Variants in PKHD1L1 observed in about 807,000 individuals in gnomAD.
PKHD1L1 encodes fibrocystin-L.
Under a neutral mutation model 462.9 loss-of-function variants are expected in PKHD1L1, and 434 were observed. That is an observed-to-expected ratio of 0.94 (90% CI 0.87 to 1.02). PKHD1L1 has a LOEUF of 1.02. Ranked by LOEUF, PKHD1L1 falls within the 50% of genes least tolerant of loss-of-function variation. The probability of loss-of-function intolerance (pLI) is 0.00; values close to 1 mark genes in which losing one functional copy is unlikely to be tolerated. For missense variants in PKHD1L1, 5,202 were observed against 5,096.1 expected (o/e 1.02, Z -0.63); for synonymous variants, 1,781 against 1,750.0 (o/e 1.02, Z -0.44).
chr8:109,422,874 G>A (rs559730181), intron 23 of PKHD1L1, among the ~76,000 whole-genome samples: 1 of 152,264 alleles, frequency 6.6e-6, no homozygotes, highest in African/African-American at 2.4e-5. Context: ...TCTTGCCAGT[G>A]TTTGGTGATG....
chr8:109,406,457 G>A lies in PKHD1L1; in HGVS notation c.1792G>A (p.Val598Ile), dbSNP rs1193891517. 1.2e-6 allele frequency: 2 copies of A among 1,602,444 alleles called. No individual in the cohort carries two copies. The highest frequency in any genetic ancestry group is 1.1e-5 in the South Asian group (1 of 88,554). The change falls in exon 17 of 78, where the codon GTA (valine) becomes ATA (isoleucine). Residue 598 changes from valine to isoleucine, a missense_variant. Val to Ile is a conservative substitution (Grantham distance 29). This residue lies in a region of PKHD1L1 where 4,497 missense variants were observed against 4,336.8 expected (regional missense o/e 1.04). Transcript: ENST00000378402. ...TQNPQSYVYM[V>I]TFISTRGDFD... Reference sequence around the variant, plus strand: ...AAATCCCCAGAGCTATGTCTACATGGTAACATTCATATCAACTAGAGGTAA... The same window carrying A: ...AAATCCCCAGAGCTATGTCTACATGATAACATTCATATCAACTAGAGGTAA...
At chr8:109,447,902 G>T (rs983342598) in intron 38 of PKHD1L1, among the ~76,000 whole-genome samples, 20 of 151,972 alleles carry the variant, frequency 1.3e-4, no homozygotes, top group African/African-American at 4.1e-4. Context: ...TCAGTAGAAC[G>T]GACAGAAGGG....
In PKHD1L1 at chr8:109,420,695, G is replaced by C; in HGVS notation, c.2697+5G>C. ...ATGGCTGTGAGCTTTGGGCAGGTAA[G>C]CCTAGAATTTTGCATTAATTTTTAT... On this transcript the variant is annotated splice_donor_5th_base_variant and intron_variant, in intron 23 of 77. Transcript: ENST00000378402. 6.6e-7 allele frequency: 1 copy of C among 1,523,564 alleles called. No homozygotes were observed. The highest frequency in any genetic ancestry group is 8.8e-7 in the Non-Finnish European group (1 of 1,140,768). 94.4% of individuals were successfully genotyped at this position (1,523,564 alleles called of 1,614,324 possible).
chr8:109,518,972 G>A (rs1820415498), intron 73 of PKHD1L1, among the ~76,000 whole-genome samples: 1 of 152,064 alleles, frequency 6.6e-6, no homozygotes, highest in African/African-American at 2.4e-5. Flanking sequence ...GTGTAGCCAA[G>A]GGGTAGACAG....
chr8:109,520,186 C>T (rs1820476832), intron 73 of PKHD1L1, among the ~76,000 whole-genome samples: 1 of 152,004 alleles, frequency 6.6e-6, no homozygotes, highest in Admixed American at 6.6e-5. Context: ...TGTTCTCTGC[C>T]CAGAGTAATA....
rs866282774 is a variant in PKHD1L1, at chr8:109,439,084, A to G, written c.3948A>G (p.Ala1316=). ...TAGAAGTCAGAAACTGGGGTTTTGC[A>G]TCAACAAGGTATGATAATGAACATA... is the stretch of plus-strand genomic sequence containing the variant. ...IYVEVRNWGF[A]STRDKLNSSI... Residue 1316 remains alanine, a synonymous_variant, in exon 32 of 78, where the codon GCA becomes GCG. Transcript: ENST00000378402. 22 of 1,612,702 alleles carry G rather than the reference A, an allele frequency of 1.4e-5. No homozygotes were observed. In the Middle Eastern group the frequency reaches 4.9e-4, roughly 36 times the overall value.
intron 58 of PKHD1L1, among the ~76,000 whole-genome samples, 175 bp from the exon 59 acceptor site, chr8:109,486,473 A>G (rs1438087596): frequency 6.6e-6 from 1 of 152,054 alleles, no homozygotes; most frequent in Non-Finnish European, 1.5e-5. Flanking sequence ...TTTTATAAAT[A>G]CGAATATCAT....
intron 55 of PKHD1L1, 53 bp from the exon 56 acceptor site, chr8:109,481,380 A>T: frequency 6.7e-7 from 1 of 1,482,984 alleles, no homozygotes; most frequent in Non-Finnish European, 9.0e-7. Flanking sequence ...TTATGGGTGG[A>T]TTTTTTTTCC....
chr8:109,378,851 G>A (rs2349436), intron 2 of PKHD1L1, among the ~76,000 whole-genome samples: 46,216 of 152,130 alleles, frequency 0.3, 7,662 homozygotes, highest in Admixed American at 0.44. Context: ...ATGTCTTAGA[G>A]AGAGGCATAT....
chr8:109,409,908 C>A lies in PKHD1L1; in HGVS notation c.2015C>A (p.Pro672Gln), dbSNP rs757494250. The change falls in exon 19 of 78, where the codon CCA becomes CAA. Residue 672 changes from proline to glutamine, a missense_variant. Around this residue, in one of 3 missense-constraint regions of PKHD1L1, gnomAD observed 4,497 missense variants for 4,336.8 expected, o/e 1.04. Coordinates refer to ENST00000378402, the MANE Select transcript of PKHD1L1 (RefSeq NM_177531.6). ...GAAATGGTTAGCACTAAGTGTCCAC[C>A]ACAAATTGCAAATTTTGAAGAAGGA... ...VEEMVSTKCP[P>Q]QIANFEEGFV... 6.2e-7 allele frequency: 1 copy of A among 1,606,610 alleles called. No individual in the cohort carries two copies. The highest frequency in any genetic ancestry group is 1.1e-5 in the South Asian group (1 of 89,366).
At chr8:109,389,039 G>C in intron 7 of PKHD1L1, 40 bp from the exon 8 acceptor site, 6 of 1,258,658 alleles carry the variant, frequency 4.8e-6, no homozygotes, top group East Asian at 2.5e-5. Context: ...TAAAATTTTA[G>C]TGTCTATATA....
At chr8:109,368,123 T>A (rs973185618) in intron 2 of PKHD1L1, among the ~76,000 whole-genome samples, 3 of 152,238 alleles carry the variant, frequency 2.0e-5, no homozygotes, top group African/African-American at 7.2e-5. Flanking sequence ...TCATACCTTG[T>A]ATTTCTCAAT....
intron 18 of PKHD1L1, among the ~76,000 whole-genome samples, chr8:109,409,650 A>G (rs1282242358): frequency 1.3e-5 from 2 of 152,198 alleles, no homozygotes; most frequent in Non-Finnish European, 2.9e-5. Context: ...GTATGTAACT[A>G]TTGTTATTCT....
At chr8:109,421,777 C>CT (rs148558247) in intron 23 of PKHD1L1, among the ~76,000 whole-genome samples, 6,791 of 152,206 alleles carry the variant, frequency 0.045, 231 homozygotes, top group South Asian at 0.069. Context: ...GAGCGAGACT[C>CT]TGTCTCAAAA....
intron 2 of PKHD1L1, among the ~76,000 whole-genome samples, chr8:109,369,353 TAAAAGTCAG>T (rs1252353732): frequency 6.6e-6 from 1 of 152,184 alleles, no homozygotes; most frequent in Non-Finnish European, 1.5e-5. Flanking sequence ...GGAATTAGTT[TAAAAGTCAG>T]AAATATTTAT....
At chr8:109,401,637 T>A in intron 14 of PKHD1L1, 49 bp downstream of exon 14, 2 of 929,912 alleles carry the variant, frequency 2.2e-6, no homozygotes, top group Non-Finnish European at 3.3e-6. Context: ...TTATAAGCTT[T>A]AAGTTTATAT....
intron 39 of PKHD1L1, 109 bp downstream of exon 39, chr8:109,448,500 T>C: frequency 8.1e-7 from 1 of 1,231,396 alleles, no homozygotes; most frequent in Non-Finnish European, 1.1e-6. Flanking sequence ...ATTTCTAGTG[T>C]TTTTTTTGTT....
chr8:109,401,183 A>G (rs1035404253), intron 13 of PKHD1L1, among the ~76,000 whole-genome samples: 1 of 152,090 alleles, frequency 6.6e-6, no homozygotes, highest in African/African-American at 2.4e-5. Context: ...GTCAATAACT[A>G]CCTTTTTCCT....
chr8:109,483,664 AAG>A (rs1818385033), intron 57 of PKHD1L1, among the ~76,000 whole-genome samples: 1 of 150,814 alleles, frequency 6.6e-6, no homozygotes, highest in South Asian at 2.1e-4. Context: ...TTAGTCATAA[AAG>A]AAAAATATGA....
Sources: allele counts gnomAD v4.1 joint callset (sites outside exome capture counted in the v4.1 genomes callset), GRCh38; gene constraint gnomAD v4.1.1; regional missense constraint gnomAD v4.1.1; transcripts MANE v1.5; gene names NCBI Gene and HGNC (gene_info 2026-07-23, HGNC 2026-07-21).